PALS2: variants seen among roughly 807,000 people sequenced by gnomAD.
PALS2 encodes the protein protein associated with LIN7 2, MAGUK p55 family member.
In PALS2, 27 loss-of-function variants were observed where a neutral mutation model predicts 61.6. The observed-to-expected ratio is 0.44, with a 90% CI of 0.32 to 0.60. The LOEUF is 0.60. PALS2 is among the 20% of genes least tolerant of loss of function. PALS2 has a pLI of 0.05. For missense variants in PALS2, 554 were observed against 639.4 expected, an observed-to-expected ratio of 0.87 and a Z score of 1.44; for synonymous variants, 236 against 218.6, an observed-to-expected ratio of 1.08 and a Z score of -0.70.
intron 6 of PALS2, among the ~76,000 whole-genome samples, chr7:24,664,891 C>T (rs967948524): frequency 6.6e-6 from 1 of 151,892 alleles, no homozygotes; most frequent in Non-Finnish European, 1.5e-5. Flanking sequence ...TTTCTCCCTG[C>T]ATTTTGATAG....
intron 1 of PALS2, among the ~76,000 whole-genome samples, chr7:24,606,212 C>G (rs1442540728): frequency 1.3e-5 from 2 of 152,158 alleles, no homozygotes; most frequent in Non-Finnish European, 2.9e-5. Flanking sequence ...TTAACAATTA[C>G]TCTTAATTCT....
rs569041747 is a variant in PALS2 at position 24,592,885 on chromosome 7, G to T, written c.-3+19292G>T. 9.4e-4 allele frequency among the ~76,000 whole-genome samples: 142 copies of T among 150,842 alleles called. No homozygotes were observed. The Middle Eastern group carries it at 0.01, about 11-fold the overall frequency. ...ACCTTGATGCTGATGGCTGCTGACTGATCAGGGTGGTGGTTGTTGAAGGTT... is the reference window on the plus strand; with the variant it reads ...ACCTTGATGCTGATGGCTGCTGACTTATCAGGGTGGTGGTTGTTGAAGGTT... On this transcript the variant is annotated intron_variant, in intron 1 of 11. Coordinates refer to ENST00000222644, the MANE Select transcript of PALS2 (RefSeq NM_001303037.2).
At chr7:24,574,695 T>C (rs1782581921) in intron 1 of PALS2, among the ~76,000 whole-genome samples, 1 of 152,160 alleles carries the variant, frequency 6.6e-6, no homozygotes, top group Admixed American at 6.5e-5. Context: ...ATATTACAAG[T>C]GGTCTTGTAG....
In PALS2 at chr7:24,691,830, A is replaced by C. The variant is rs1645556992; in HGVS notation, c.*4216A>C. On this transcript the variant is annotated 3_prime_UTR_variant, in exon 12 of 12. Transcript: ENST00000222644. Reference sequence around the variant, plus strand: ...AGAGGTTTGCTGTGAGAATTCATGTAATAACATCTGTAATGTATTTGGAAT... The same window carrying C: ...AGAGGTTTGCTGTGAGAATTCATGTCATAACATCTGTAATGTATTTGGAAT... 1 of 152,070 alleles carries C rather than the reference A, an allele frequency of 6.6e-6. No homozygotes were observed. Among genetic ancestry groups the C allele is most frequent in the Non-Finnish European group, 1.5e-5 (1 of 67,952 alleles). The allele number at this position is 152,070 out of a possible 1,614,324, so 9.4% of individuals were successfully genotyped here.
intron 2 of PALS2, among the ~76,000 whole-genome samples, chr7:24,624,422 G>C (rs929129520): frequency 6.6e-6 from 1 of 152,002 alleles, no homozygotes. Flanking sequence ...TGCCTTCTTT[G>C]ATCTTTTCTT....
At chr7:24,652,450 T>C (rs1420255497) in intron 5 of PALS2, among the ~76,000 whole-genome samples, 2 of 152,150 alleles carry the variant, frequency 1.3e-5, no homozygotes, top group Non-Finnish European at 2.9e-5. Context: ...GCTTTTCACT[T>C]AGCATTTAGA....
At chr7:24,634,495 G>C (rs1250815729) in intron 2 of PALS2, among the ~76,000 whole-genome samples, 1 of 152,180 alleles carries the variant, frequency 6.6e-6, no homozygotes, top group East Asian at 1.9e-4. Flanking sequence ...CTCCTAAAGT[G>C]CTGGGATTAC....
chr7:24,632,751 G>A (rs752094002), intron 2 of PALS2, among the ~76,000 whole-genome samples: 11 of 152,194 alleles, frequency 7.2e-5, no homozygotes, highest in Non-Finnish European at 1.2e-4. Context: ...TTCGATTAAC[G>A]TCTTTCATAC....
At chr7:24,629,290 A>G (rs1243841796) in intron 2 of PALS2, among the ~76,000 whole-genome samples, 1 of 152,220 alleles carries the variant, frequency 6.6e-6, no homozygotes, top group Non-Finnish European at 1.5e-5. Flanking sequence ...CCATATGCAG[A>G]AAACTGAAAC....
chr7:24,623,702 C>A lies in PALS2; in HGVS notation c.35C>A (p.Pro12His). The change falls in exon 2 of 12, where the codon CCC (proline) becomes CAC (histidine). Residue 12 changes from proline (P) to histidine (H), a missense_variant. By Grantham distance (77) the Pro-to-His change is moderately conservative. Coordinates refer to ENST00000222644, the MANE Select transcript of PALS2 (RefSeq NM_001303037.2). ...GTCTTGGAAAACCTTACGGAGCTGC[C>A]CTCGTCTACTGGAGCAGAAGAAATA... is the stretch of plus-strand genomic sequence containing the variant. ...QQVLENLTEL[P>H]SSTGAEEIDL... The A allele has an allele frequency of 6.2e-7, 1 of 1,606,646 alleles. No individual in the cohort carries two copies. Among genetic ancestry groups the A allele is most frequent in the Non-Finnish European group, 8.5e-7 (1 of 1,177,192 alleles).
intron 2 of PALS2, among the ~76,000 whole-genome samples, chr7:24,628,598 T>G (rs963199389): frequency 6.6e-6 from 1 of 152,132 alleles, no homozygotes; most frequent in Non-Finnish European, 1.5e-5. Context: ...GAAAACCCCA[T>G]TGTCTCAGCC....
At position 24,668,598 on chromosome 7, in the gene PALS2, G is replaced by A. The variant is rs756542584; in HGVS notation, c.1052G>A (p.Arg351Gln). 4 of 1,613,942 alleles carry A rather than the reference G, an allele frequency of 2.5e-6. No individual in the cohort carries two copies. Among genetic ancestry groups the A allele is most frequent in the East Asian group, 2.2e-5 (1 of 44,848 alleles). Residue 351 changes from arginine to glutamine, a missense_variant, in exon 9 of 12, where the codon CGA becomes CAA. By Grantham distance (43) the Arg-to-Gln change is conservative (BLOSUM62 1). Transcript: ENST00000222644. ...LVLIGAQGVG[R>Q]RSLKNRFIVL... The stretch of plus-strand genomic sequence containing the variant: ...TTGATAGGAGCTCAAGGTGTAGGCC[G>A]AAGAAGCTTGAAAAACAGGTTCATA...
intron 1 of PALS2, among the ~76,000 whole-genome samples, chr7:24,610,674 A>T (rs1784083146): frequency 6.6e-6 from 1 of 152,196 alleles, no homozygotes; most frequent in African/African-American, 2.4e-5. Context: ...TAGTTGCATC[A>T]AAATTTAATC....
At chr7:24,612,550 C>T (rs1784151906) in intron 1 of PALS2, among the ~76,000 whole-genome samples, 2 of 151,754 alleles carry the variant, frequency 1.3e-5, no homozygotes, top group South Asian at 4.1e-4. Context: ...CTTCTTACCT[C>T]AGAACACGGC....
At chr7:24,642,723 AG>A (rs1785627051) in intron 3 of PALS2, among the ~76,000 whole-genome samples, 1 of 152,154 alleles carries the variant, frequency 6.6e-6, no homozygotes, top group African/African-American at 2.4e-5. Flanking sequence ...CAAAATATGA[AG>A]GTTTATAGTG....
chr7:24,677,432 G>T (rs1369918022), intron 9 of PALS2, among the ~76,000 whole-genome samples: 1 of 151,822 alleles, frequency 6.6e-6, no homozygotes, highest in African/African-American at 2.4e-5. Flanking sequence ...GTGAGAGAGG[G>T]CATCCCTGTC....
intron 5 of PALS2, among the ~76,000 whole-genome samples, chr7:24,654,716 C>T (rs1382685785): frequency 6.6e-6 from 1 of 152,112 alleles, no homozygotes; most frequent in Admixed American, 6.6e-5. Context: ...ACAGGGTTTT[C>T]CATGGAATTT....
At chr7:24,641,539 G>A (rs1311028854) in intron 2 of PALS2, among the ~76,000 whole-genome samples, 177 bp from the exon 3 acceptor site, 1 of 151,846 alleles carries the variant, frequency 6.6e-6, no homozygotes, top group Non-Finnish European at 1.5e-5. Context: ...TTATTATATT[G>A]CATGATATAC....
At chr7:24,580,451 C>T (rs1029027302) in intron 1 of PALS2, among the ~76,000 whole-genome samples, 6 of 152,156 alleles carry the variant, frequency 3.9e-5, no homozygotes, top group Admixed American at 1.3e-4. Flanking sequence ...ATTTAGGTAA[C>T]TCTAATGCTG....
Sources: allele counts gnomAD v4.1 joint callset (sites outside exome capture counted in the v4.1 genomes callset), GRCh38; gene constraint gnomAD v4.1.1; transcripts MANE v1.5; gene names NCBI Gene and HGNC (gene_info 2026-07-23, HGNC 2026-07-21).